REV3L: variants seen among roughly 807,000 people sequenced by gnomAD.
The protein encoded by REV3L is REV3 like, DNA directed polymerase zeta catalytic subunit, also known as DNA polymerase zeta catalytic subunit.
REV3L carries 69 observed loss-of-function variants against 299.4 expected under a neutral mutation model. The ratio of observed to expected loss-of-function variants is 0.23; its 90% CI spans 0.19 to 0.28. The LOEUF is 0.28. Ranked by LOEUF, REV3L falls within the 10% of genes least tolerant of loss-of-function variation. REV3L has a pLI of 1.00. For synonymous variants in REV3L, 1,238 were observed against 1,271.4 expected (o/e 0.97, Z 0.56); for missense variants, 3,128 against 3,693.8 (o/e 0.85, Z 3.97).
intron 1 of REV3L, among the ~76,000 whole-genome samples, chr6:111,476,202 C>G (rs1395931145): frequency 6.6e-6 from 1 of 152,190 alleles, no homozygotes. Context: ...GTCACCCAGG[C>G]TGGAATGCAG....
At chr6:111,411,625 T>C in intron 2 of REV3L, 71 bp from the exon 3 acceptor site, 1 of 1,010,238 alleles carries the variant, frequency 9.9e-7, no homozygotes, top group Non-Finnish European at 1.5e-6. Context: ...CTTATTGCCC[T>C]AATTAGATTC....
chr6:111,392,321 G>A (rs1782015516), intron 5 of REV3L, among the ~76,000 whole-genome samples: 3 of 152,102 alleles, frequency 2.0e-5, no homozygotes, highest in Non-Finnish European at 2.9e-5. Flanking sequence ...GACAGAAAAT[G>A]TATGAGTAAA....
chr6:111,315,288 T>C lies in REV3L; in HGVS notation c.8445A>G (p.Pro2815=). ...TTACCTTTTCAAACTTCAATTTCAC[T>C]GGTTTAGGATTGGTAGCAGTTACAG... ...AEAVTATNPK[P]VKLKFEKVYL... The change falls in exon 27 of 32, where the codon CCA becomes CCG. Residue 2815 remains proline, a synonymous_variant. Coordinates refer to ENST00000368802, the MANE Select transcript of REV3L (RefSeq NM_001372078.1). 1 of 1,614,042 alleles carries C rather than the reference T, an allele frequency of 6.2e-7. No individual in the cohort carries two copies. Among genetic ancestry groups the C allele is most frequent in the East Asian group, 2.2e-5 (1 of 44,858 alleles).
At chr6:111,446,571 G>C (rs1239937662) in intron 1 of REV3L, among the ~76,000 whole-genome samples, 1 of 152,084 alleles carries the variant, frequency 6.6e-6, no homozygotes, top group Admixed American at 6.5e-5. Flanking sequence ...CGAGTTGGCA[G>C]GCGCCTGTAG....
chr6:111,396,474 G>A (rs1582835159), intron 4 of REV3L, among the ~76,000 whole-genome samples: 1 of 151,826 alleles, frequency 6.6e-6, no homozygotes, highest in South Asian at 2.1e-4. Context: ...TGTCCTGTCT[G>A]ATTTTGGTAT....
intron 2 of REV3L, chr6:111,411,877 C>T (rs185929873): frequency 5.1e-6 from 3 of 584,070 alleles, no homozygotes; most frequent in East Asian, 1.4e-4. Flanking sequence ...AACATCAAGA[C>T]TCTTTAAGTG....
At chr6:111,456,453 C>A (rs922420423) in intron 1 of REV3L, among the ~76,000 whole-genome samples, 2 of 152,180 alleles carry the variant, frequency 1.3e-5, no homozygotes, top group Non-Finnish European at 2.9e-5. Context: ...GCAAATGCTT[C>A]ACGGATTTGG....
intron 21 of REV3L, among the ~76,000 whole-genome samples, chr6:111,341,702 G>A (rs568322095): frequency 2.6e-5 from 4 of 152,202 alleles, no homozygotes; most frequent in Admixed American, 1.3e-4. Flanking sequence ...CTCACAGCTC[G>A]AGTCTGTGGG....
chr6:111,322,232 G>A (rs1774265389), intron 26 of REV3L, among the ~76,000 whole-genome samples: 1 of 152,158 alleles, frequency 6.6e-6, no homozygotes, highest in Non-Finnish European at 1.5e-5. Context: ...GAGAGTTACA[G>A]CTATATTAGA....
chr6:111,483,452 G>A (rs1189038087), upstream of REV3L: 1 of 466,508 alleles, frequency 2.1e-6, no homozygotes, highest in Admixed American at 3.5e-5. Context: ...GGCGGGCACG[G>A]TCACCTGGGT....
intron 1 of REV3L, among the ~76,000 whole-genome samples, chr6:111,467,975 T>C (rs768208063): frequency 1.1e-4 from 16 of 152,162 alleles, no homozygotes; most frequent in Non-Finnish European, 1.9e-4. Context: ...TAACAATTTC[T>C]TCTAAGTTAC....
At chr6:111,362,982 C>A (rs1360857757) in intron 16 of REV3L, among the ~76,000 whole-genome samples, 1 of 152,208 alleles carries the variant, frequency 6.6e-6, no homozygotes, top group African/African-American at 2.4e-5. Flanking sequence ...ACTCCAATTT[C>A]TATCTTACTG....
chr6:111,482,237 G>T (rs1210575633), intron 1 of REV3L, among the ~76,000 whole-genome samples: 2 of 152,208 alleles, frequency 1.3e-5, no homozygotes, highest in African/African-American at 2.4e-5. Context: ...TGCATCTCCG[G>T]AACTGGCAGA....
At chr6:111,386,997 C>T (rs565102351) in intron 9 of REV3L, among the ~76,000 whole-genome samples, 1 of 152,274 alleles carries the variant, frequency 6.6e-6, no homozygotes, top group East Asian at 1.9e-4. Flanking sequence ...GCTGAGATTA[C>T]AGGCAGGAGC....
chr6:111,394,991 C>T (rs1782339048), intron 4 of REV3L, among the ~76,000 whole-genome samples: 1 of 152,152 alleles, frequency 6.6e-6, no homozygotes, highest in African/African-American at 2.4e-5. Context: ...CATGCTCAGC[C>T]TATGTGTCTG....
chr6:111,393,003 C>T, intron 4 of REV3L, 31 bp from the exon 5 acceptor site: 2 of 1,426,972 alleles, frequency 1.4e-6, no homozygotes, highest in South Asian at 2.4e-5. Context: ...GGAATAAATT[C>T]TACTTTCAAT....
At chr6:111,443,595 T>C (rs1788521232) in intron 1 of REV3L, among the ~76,000 whole-genome samples, 1 of 152,222 alleles carries the variant, frequency 6.6e-6, no homozygotes, top group Non-Finnish European at 1.5e-5. Context: ...AAGACTACAT[T>C]AGCCCTACTC....
At chr6:111,353,498 T>C (rs1444134396) in intron 18 of REV3L, among the ~76,000 whole-genome samples, 1 of 152,232 alleles carries the variant, frequency 6.6e-6, no homozygotes, top group Non-Finnish European at 1.5e-5. Context: ...TTCTGTAGTA[T>C]AAATTTTAAT....
Position 111,405,499 on chromosome 6 carries a change from G to A in REV3L, c.536C>T (p.Ala179Val). The change falls in exon 4 of 32, where the codon GCT becomes GTT. Residue 179 changes from alanine to valine, a missense_variant. Physicochemically the swap from Ala to Val is moderately conservative, Grantham distance 64. Around this residue, in one of 9 missense-constraint regions of REV3L, gnomAD observed 2,409 missense variants for 2,611.8 expected, o/e 0.92. Coordinates refer to ENST00000368802, the MANE Select transcript of REV3L (RefSeq NM_001372078.1). ...CCTTCTTGCTTTTCGGAACTTGACA[G>A]CAGCCAGATTTATTAAATTCATGCC... is the stretch of plus-strand genomic sequence containing the variant. ...LYGMNLINLA[A>V]VKFRKARRKS... is the part of the protein sequence containing the mutation. 1.3e-6 allele frequency: 2 copies of A among 1,598,982 alleles called. No individual in the cohort carries two copies. The highest frequency in any genetic ancestry group is 1.7e-6 in the Non-Finnish European group (2 of 1,174,814).
Sources: allele counts gnomAD v4.1 joint callset (sites outside exome capture counted in the v4.1 genomes callset), GRCh38; gene constraint gnomAD v4.1.1; regional missense constraint gnomAD v4.1.1; transcripts MANE v1.5; gene names NCBI Gene and HGNC (gene_info 2026-07-23, HGNC 2026-07-21).